Variants in TTC7A observed in about 807,000 individuals in gnomAD.
TTC7A encodes tetratricopeptide repeat protein 7A.
TTC7A carries 110 observed loss-of-function variants against 103.7 expected under a neutral mutation model. The observed-to-expected ratio is 1.06, with a 90% confidence interval of 0.91 to 1.24. The LOEUF is 1.24. Ranked by LOEUF, TTC7A falls within the 50% of genes most tolerant of loss-of-function variation. TTC7A has a pLI of 0.00. For missense variants in TTC7A, 1,340 were observed against 1,116.3 expected, an observed-to-expected ratio of 1.20 and a Z score of -2.86; for synonymous variants, 521 against 467.9, an observed-to-expected ratio of 1.11 and a Z score of -1.47.
chr2:47,013,304 C>G (rs1678276401), intron 11 of TTC7A, among the ~76,000 whole-genome samples: 1 of 152,136 alleles, frequency 6.6e-6, no homozygotes. Flanking sequence ...ACAGTTGGCA[C>G]CCAGAGGTAG....
At chr2:47,041,341 T>A (rs1395911180) in intron 15 of TTC7A, among the ~76,000 whole-genome samples, 1 of 152,220 alleles carries the variant, frequency 6.6e-6, no homozygotes, top group African/African-American at 2.4e-5. Context: ...GGGCCCTGCC[T>A]GCAGGCACTT....
intron 17 of TTC7A, among the ~76,000 whole-genome samples, chr2:47,051,403 C>G (rs1299127968): frequency 6.6e-6 from 1 of 152,120 alleles, no homozygotes; most frequent in Non-Finnish European, 1.5e-5. Flanking sequence ...TGATTATACC[C>G]CCACTTATTT....
intron 15 of TTC7A, chr2:47,040,569 A>C (rs1254087099): frequency 6.6e-6 from 1 of 152,212 alleles, no homozygotes; most frequent in East Asian, 1.9e-4. Flanking sequence ...AGCCTGTCTT[A>C]GGTCCTAGGA....
intron 2 of TTC7A, 76 bp from the exon 3 acceptor site, chr2:46,956,763 G>T: frequency 6.5e-7 from 1 of 1,546,566 alleles, no homozygotes; most frequent in Non-Finnish European, 8.9e-7. Context: ...AGGCAAACAA[G>T]GTCCAGGTTC....
At chr2:46,969,678 TGG>T (rs1271698121) in intron 3 of TTC7A, among the ~76,000 whole-genome samples, 1 of 152,088 alleles carries the variant, frequency 6.6e-6, no homozygotes, top group Non-Finnish European at 1.5e-5. Flanking sequence ...CCCAAAGTGC[TGG>T]GATTACAGGC....
At chr2:47,010,464 A>G (rs1051513815) in intron 10 of TTC7A, among the ~76,000 whole-genome samples, 13 of 152,076 alleles carry the variant, frequency 8.5e-5, no homozygotes, top group Non-Finnish European at 2.9e-5. Flanking sequence ...CATTACTGTT[A>G]TTGGTAACAT....
At chr2:46,955,808 A>G (rs887258057) in intron 2 of TTC7A, among the ~76,000 whole-genome samples, 1 of 152,196 alleles carries the variant, frequency 6.6e-6, no homozygotes, top group Admixed American at 6.5e-5. Context: ...CCTTCCTGCC[A>G]GTGACAAATG....
At chr2:46,982,772 T>C (rs1674604920) in intron 5 of TTC7A, among the ~76,000 whole-genome samples, 1 of 152,168 alleles carries the variant, frequency 6.6e-6, no homozygotes, top group African/African-American at 2.4e-5. Context: ...GAGACCAGCC[T>C]GGACAACATA....
chr2:46,971,601 G>C (rs890194839), intron 3 of TTC7A, among the ~76,000 whole-genome samples: 29 of 80,796 alleles, frequency 3.6e-4, no homozygotes, highest in African/African-American at 1.1e-3. Flanking sequence ...GAGGCAGGGA[G>C]GCCAGTTAGG....
chr2:47,028,604 G>T (rs906944832), intron 14 of TTC7A, among the ~76,000 whole-genome samples: 9 of 152,204 alleles, frequency 5.9e-5, no homozygotes, highest in African/African-American at 2.2e-4. Flanking sequence ...CTTTCCTGAG[G>T]CCACATCCAA....
At chr2:47,021,729 C>T (rs981854892) in intron 11 of TTC7A, 133 bp from the exon 12 acceptor site, 7 of 736,770 alleles carry the variant, frequency 9.5e-6, no homozygotes, top group Non-Finnish European at 1.4e-5. Context: ...GCAAGGGAAG[C>T]TTCTCCCTGT....
intron 18 of TTC7A, among the ~76,000 whole-genome samples, chr2:47,058,896 A>G (rs959803129): frequency 6.6e-6 from 1 of 151,698 alleles, no homozygotes; most frequent in African/African-American, 2.4e-5. Flanking sequence ...CTGCTGGCCC[A>G]AAGGGGTGTG....
intron 11 of TTC7A, among the ~76,000 whole-genome samples, chr2:47,012,753 T>C (rs2104494352): frequency 6.6e-6 from 1 of 152,234 alleles, no homozygotes; most frequent in East Asian, 1.9e-4. Flanking sequence ...TTCTCTCTGC[T>C]CCAGGGAGTC....
At chr2:47,055,467 C>A (rs370857591) in intron 18 of TTC7A, among the ~76,000 whole-genome samples, 2 of 152,138 alleles carry the variant, frequency 1.3e-5, no homozygotes, top group African/African-American at 4.8e-5. Flanking sequence ...TCTTGGGCAG[C>A]GGGTCTGTGT....
chr2:47,071,417 C>G (rs1305809891), intron 19 of TTC7A, among the ~76,000 whole-genome samples: 1 of 152,174 alleles, frequency 6.6e-6, no homozygotes, highest in Non-Finnish European at 1.5e-5. Context: ...AGATCAGTCA[C>G]TCCACCCGCT....
Position 46,941,622 on chromosome 2 carries a change from C to G in TTC7A, c.81C>G (p.Asp27Glu). The change falls in exon 1 of 20, where the codon GAC (aspartate) becomes GAG (glutamate). Residue 27 changes from aspartate (D) to glutamate (E), a missense_variant. Asp to Glu is a conservative substitution (Grantham distance 45). Transcript: ENST00000319190. The surrounding 1 kb of genome is among the most constrained non-coding windows in gnomAD (Gnocchi z 4.2). ...GCTGCCGCGCCGAGGGCCACTGGGA[C>G]CGCATGCCGGAGCTGGTCCGGCAGC... Reference protein sequence around the residue: ...LERCRAEGHWDRMPELVRQLQ... With the variant: ...LERCRAEGHWERMPELVRQLQ... 6.4e-7 allele frequency: 1 copy of G among 1,555,946 alleles called. No individual in the cohort carries two copies.
chr2:46,981,669 G>A (rs1481649384), intron 5 of TTC7A, among the ~76,000 whole-genome samples: 2 of 152,242 alleles, frequency 1.3e-5, no homozygotes, highest in Non-Finnish European at 2.9e-5. Flanking sequence ...CTGACTGTTC[G>A]ATGTGGTGCC....
At chr2:47,012,816 C>T (rs1008924590) in intron 11 of TTC7A, among the ~76,000 whole-genome samples, 3 of 152,214 alleles carry the variant, frequency 2.0e-5, no homozygotes, top group African/African-American at 7.2e-5. Context: ...TCCCCTTTTC[C>T]ACCTGGTTCT....
At chr2:47,061,090 C>G in intron 19 of TTC7A, 119 bp downstream of exon 19, 1 of 1,093,934 alleles carries the variant, frequency 9.1e-7, no homozygotes, top group Non-Finnish European at 1.3e-6. Flanking sequence ...TACTGCTGTT[C>G]CCTGGTGTCT....
Sources: allele counts gnomAD v4.1 joint callset (sites outside exome capture counted in the v4.1 genomes callset), GRCh38; gene constraint gnomAD v4.1.1; non-coding constraint Gnocchi (gnomAD v3.1); transcripts MANE v1.5; gene names NCBI Gene and HGNC (gene_info 2026-07-23, HGNC 2026-07-21).